The following GABRR1 variants were observed in gnomAD, a reference collection of about 807,000 sequenced individuals.
GABRR1 encodes gamma-aminobutyric acid type A receptor subunit rho1.
In GABRR1, 59 loss-of-function variants were observed where a neutral mutation model predicts 55.5. The ratio of observed to expected loss-of-function variants is 1.06; its 90% CI spans 0.86 to 1.32. The LOEUF is 1.32. GABRR1 is among the 40% of genes most tolerant of loss of function. GABRR1 has a pLI of 0.00. For synonymous variants in GABRR1, 213 were observed against 226.0 expected, an observed-to-expected ratio of 0.94 and a Z score of 0.51; for missense variants, 602 against 619.1, an observed-to-expected ratio of 0.97 and a Z score of 0.29.
intron 3 of GABRR1, among the ~76,000 whole-genome samples, 193 bp downstream of exon 3, chr6:89,200,966 C>CGG (rs1562301404): frequency 6.6e-6 from 1 of 151,914 alleles, no homozygotes; most frequent in Non-Finnish European, 1.5e-5. Flanking sequence ...CTTCCTGAGA[C>CGG]TGTTCAGCAG....
At chr6:89,185,758 T>C (rs1280802995) in intron 6 of GABRR1, among the ~76,000 whole-genome samples, 3 of 152,222 alleles carry the variant, frequency 2.0e-5, no homozygotes, top group Non-Finnish European at 4.4e-5. Flanking sequence ...ATTCTATTTT[T>C]GTAGGTTAGA....
At position 89,185,159 on chromosome 6, in the gene GABRR1, T is replaced by G. The variant is rs967688764; in HGVS notation, c.796+151A>C. On this transcript the variant is annotated intron_variant, in intron 7 of 9. Coordinates refer to ENST00000454853, the MANE Select transcript of GABRR1 (RefSeq NM_002042.5). ...CTTGGCCTCCCAAAGTGCTGGGACA[T>G]GAGCCACTGCACCCGGCCTCTGTCT... 5 of 973,844 alleles carry G rather than the reference T, an allele frequency of 5.1e-6. No individual in the cohort carries two copies. In the African/African-American group the frequency reaches 8.1e-5, roughly 16 times the overall value. 60.3% of individuals were successfully genotyped at this position (973,844 alleles called of 1,614,324 possible).
At chr6:89,222,031 A>G (rs959355386), upstream of GABRR1, among the ~76,000 whole-genome samples, 3 of 152,200 alleles carry the variant, frequency 2.0e-5, no homozygotes, top group African/African-American at 7.2e-5. Flanking sequence ...TTCTCAGGGT[A>G]TGGTCTTTGT....
At chr6:89,181,076 G>T (rs753072589) in intron 8 of GABRR1, among the ~76,000 whole-genome samples, 2 of 152,222 alleles carry the variant, frequency 1.3e-5, no homozygotes, top group Non-Finnish European at 2.9e-5. Context: ...ATAGGAAACA[G>T]ATTTTAAAAC....
intron 1 of GABRR1, among the ~76,000 whole-genome samples, chr6:89,211,239 C>A (rs1420824349): frequency 6.6e-6 from 1 of 152,110 alleles, no homozygotes; most frequent in African/African-American, 2.4e-5. Flanking sequence ...GATCAGAGAT[C>A]CAGTCCATAA....
chr6:89,215,652 A>T (rs1009376894), intron 1 of GABRR1, among the ~76,000 whole-genome samples: 1 of 152,184 alleles, frequency 6.6e-6, no homozygotes, highest in Non-Finnish European at 1.5e-5. Flanking sequence ...ATATATTGCA[A>T]AAGTGCTGAG....
intron 5 of GABRR1, among the ~76,000 whole-genome samples, chr6:89,194,301 G>A (rs902176055): frequency 1.3e-5 from 2 of 152,176 alleles, no homozygotes; most frequent in African/African-American, 2.4e-5. Flanking sequence ...CCCCATTCGG[G>A]ACTGGCGGTG....
chr6:89,221,887 C>G (rs1305754516), upstream of GABRR1, among the ~76,000 whole-genome samples: 1 of 152,172 alleles, frequency 6.6e-6, no homozygotes, highest in East Asian at 1.9e-4. Flanking sequence ...ACTATTTAAG[C>G]TGCTGCTGTA....
At chr6:89,218,224 A>T (rs1773046737), upstream of GABRR1, among the ~76,000 whole-genome samples, 1 of 152,212 alleles carries the variant, frequency 6.6e-6, no homozygotes, top group Admixed American at 6.5e-5. Context: ...GGTAACTTTC[A>T]GACTGTACCG....
chr6:89,190,684 AC>A (rs1201030245), intron 5 of GABRR1, among the ~76,000 whole-genome samples: 1 of 152,182 alleles, frequency 6.6e-6, no homozygotes, highest in African/African-American at 2.4e-5. Context: ...GTGTACACTT[AC>A]CCCAGTTGCC....
intron 6 of GABRR1, among the ~76,000 whole-genome samples, chr6:89,189,166 C>T (rs2127793227): frequency 6.6e-6 from 1 of 152,158 alleles, no homozygotes; most frequent in African/African-American, 2.4e-5. Flanking sequence ...AAGTTTAAAA[C>T]CATTGCCATA....
At chr6:89,189,757 A>C (rs1423861048) in intron 6 of GABRR1, among the ~76,000 whole-genome samples, 1 of 152,152 alleles carries the variant, frequency 6.6e-6, no homozygotes, top group Non-Finnish European at 1.5e-5. Flanking sequence ...TCAATCTAAC[A>C]CATTACTTTA....
upstream of GABRR1, among the ~76,000 whole-genome samples, chr6:89,222,213 T>C (rs1773124559): frequency 6.6e-6 from 1 of 152,252 alleles, no homozygotes; most frequent in South Asian, 2.1e-4. Context: ...AAATGTGGTC[T>C]CTCAATGAGT....
chr6:89,186,798 C>A (rs531303855), intron 6 of GABRR1, among the ~76,000 whole-genome samples: 1 of 152,310 alleles, frequency 6.6e-6, no homozygotes, highest in South Asian at 2.1e-4. Flanking sequence ...AGAGGTAAAG[C>A]CACTGTGCAA....
intron 7 of GABRR1, among the ~76,000 whole-genome samples, chr6:89,182,784 GGA>G (rs1356576415): frequency 6.6e-6 from 1 of 152,088 alleles, no homozygotes; most frequent in Non-Finnish European, 1.5e-5. Flanking sequence ...GGCCAAGGCG[GGA>G]GGATTGCTTG....
chr6:89,185,564 T>A, intron 6 of GABRR1, 114 bp from the exon 7 acceptor site: 1 of 899,798 alleles, frequency 1.1e-6, no homozygotes. Context: ...GATTGTGATA[T>A]GATAGTTTGA....
chr6:89,208,421 A>T (rs1772717956), intron 1 of GABRR1, among the ~76,000 whole-genome samples: 1 of 152,220 alleles, frequency 6.6e-6, no homozygotes, highest in Non-Finnish European at 1.5e-5. Flanking sequence ...GGTTAATTCT[A>T]TGGGTCAACT....
intron 1 of GABRR1, among the ~76,000 whole-genome samples, chr6:89,209,927 G>A (rs1405426249): frequency 6.6e-6 from 1 of 152,128 alleles, no homozygotes; most frequent in Admixed American, 6.5e-5. Flanking sequence ...GGAAATGGCT[G>A]ACATTCAACT....
At chr6:89,192,052 A>C (rs1255420666) in intron 5 of GABRR1, among the ~76,000 whole-genome samples, 1 of 151,828 alleles carries the variant, frequency 6.6e-6, no homozygotes. Flanking sequence ...AAAAAAAAAA[A>C]AGAAAAATAA....
Sources: allele counts gnomAD v4.1 joint callset (sites outside exome capture counted in the v4.1 genomes callset), GRCh38; gene constraint gnomAD v4.1.1; transcripts MANE v1.5; gene names NCBI Gene and HGNC (gene_info 2026-07-23, HGNC 2026-07-21).